The following TGFBR3 variants were observed in gnomAD, a reference collection of about 807,000 sequenced individuals.
TGFBR3 encodes transforming growth factor beta receptor 3.
In TGFBR3, 46 loss-of-function variants were observed where a neutral mutation model predicts 87.9. The observed-to-expected ratio is 0.52, with a 90% CI of 0.41 to 0.67. The LOEUF (loss-of-function observed/expected upper bound fraction) is 0.67, where lower values mean the gene tolerates loss of function less well. Among genes scored for constraint, TGFBR3 ranks in the 30% least tolerant of loss-of-function variants. The probability of loss-of-function intolerance (pLI) is 0.00; values close to 1 mark genes in which losing one functional copy is unlikely to be tolerated. For missense variants in TGFBR3, 866 were observed against 1,041.9 expected, an observed-to-expected ratio of 0.83 and a Z score of 2.32; for synonymous variants, 381 against 391.6, an observed-to-expected ratio of 0.97 and a Z score of 0.32.
At chr1:91,722,210 T>G in intron 7 of TGFBR3, 66 bp from the exon 8 acceptor site, 1 of 1,200,062 alleles carries the variant, frequency 8.3e-7, no homozygotes. Flanking sequence ...TAATAAAAAT[T>G]AAATATCTTA....
intron 1 of TGFBR3, among the ~76,000 whole-genome samples, chr1:91,881,636 A>T (rs1679076047): frequency 6.6e-6 from 1 of 152,242 alleles, no homozygotes; most frequent in Non-Finnish European, 1.5e-5. Context: ...CTGTAGTATA[A>T]GCGCAATGCT....
chr1:91,683,750 T>A lies in TGFBR3; in HGVS notation c.2545A>T (p.Ser849Cys). Reference sequence around the variant, plus strand: ...TGGGCTGGGTTGGGCTAGGCCGTGCTGCTGCTGGAGCAAGGCGTGCTCTGC... The same window carrying A: ...TGGGCTGGGTTGGGCTAGGCCGTGCAGCTGCTGGAGCAAGGCGTGCTCTGC... ...STQSTPCSSS[S>C]TA The change falls in exon 17 of 17, where the codon AGC becomes TGC. Residue 849 changes from serine (S) to cysteine (C), a missense_variant. By Grantham distance (112) the Ser-to-Cys change is moderately radical (BLOSUM62 -1). Coordinates refer to ENST00000212355, the MANE Select transcript of TGFBR3 (RefSeq NM_003243.5). 1 of 1,579,456 alleles carries A rather than the reference T, an allele frequency of 6.3e-7. No homozygotes were observed. The highest frequency in any genetic ancestry group is 8.6e-7 in the Non-Finnish European group (1 of 1,167,024).
At chr1:91,870,349 T>C (rs9661103) in intron 1 of TGFBR3, among the ~76,000 whole-genome samples, 100,352 of 152,082 alleles carry the variant, frequency 0.66, 33,373 homozygotes, top group Middle Eastern at 0.76. Flanking sequence ...TCAGAGCCAA[T>C]TTGGAATGCT....
intron 1 of TGFBR3, among the ~76,000 whole-genome samples, chr1:91,878,494 T>C (rs1678944507): frequency 6.6e-6 from 1 of 152,162 alleles, no homozygotes; most frequent in Admixed American, 6.5e-5. Context: ...TCATCAAGTT[T>C]CCATTAGCAA....
intron 4 of TGFBR3, among the ~76,000 whole-genome samples, chr1:91,737,642 GA>G (rs1673010547): frequency 6.6e-6 from 1 of 152,146 alleles, no homozygotes; most frequent in Non-Finnish European, 1.5e-5. Flanking sequence ...CTAGAACAAA[GA>G]ATTCCTTCGT....
At chr1:91,785,318 G>T (rs1369426514) in intron 3 of TGFBR3, among the ~76,000 whole-genome samples, 1 of 152,186 alleles carries the variant, frequency 6.6e-6, no homozygotes, top group African/African-American at 2.4e-5. Flanking sequence ...GCTAGTGCCG[G>T]GTCGTGGGGG....
Position 91,846,273 on chromosome 1 carries a change from C to T in TGFBR3, c.61+15198G>A, listed in dbSNP as rs17884177. ...TTTCAGCATGGGCTTTGCAAATAATCTAACAATTAATTAGTGCTTTTGAAT... is the reference window on the plus strand; with the variant it reads ...TTTCAGCATGGGCTTTGCAAATAATTTAACAATTAATTAGTGCTTTTGAAT... On this transcript the variant is annotated intron_variant, in intron 2 of 16. Transcript: ENST00000212355. 3.7e-4 allele frequency among the ~76,000 whole-genome samples: 57 copies of T among 152,332 alleles called. 1 individual carries two copies. The South Asian group carries it at 7.3e-3, about 19-fold the overall frequency.
At chr1:91,819,737 C>T (rs926023432) in intron 2 of TGFBR3, among the ~76,000 whole-genome samples, 1 of 152,152 alleles carries the variant, frequency 6.6e-6, no homozygotes, top group African/African-American at 2.4e-5. Context: ...GCTTTACCAC[C>T]CCCTCCCTCC....
At chr1:91,832,478 T>C (rs1176734797) in intron 2 of TGFBR3, among the ~76,000 whole-genome samples, 1 of 152,220 alleles carries the variant, frequency 6.6e-6, no homozygotes, top group Non-Finnish European at 1.5e-5. Context: ...GCATTTGACA[T>C]GTATTAACAT....
At chr1:91,849,162 T>G (rs1677621069) in intron 2 of TGFBR3, among the ~76,000 whole-genome samples, 1 of 152,132 alleles carries the variant, frequency 6.6e-6, no homozygotes, top group Non-Finnish European at 1.5e-5. Context: ...CAAATCCACC[T>G]TTGCCCAACA....
intron 1 of TGFBR3, chr1:91,866,614 A>T (rs959879781): frequency 6.6e-6 from 1 of 152,200 alleles, no homozygotes; most frequent in African/African-American, 2.4e-5. Flanking sequence ...ACAAATCTTT[A>T]TTGCTTACTC....
chr1:91,703,397 A>G (rs955336323), intron 14 of TGFBR3, among the ~76,000 whole-genome samples: 3 of 152,238 alleles, frequency 2.0e-5, no homozygotes, highest in Non-Finnish European at 4.4e-5. Flanking sequence ...TTTACTGAGT[A>G]TCCAAGATAT....
intron 12 of TGFBR3, among the ~76,000 whole-genome samples, chr1:91,715,049 C>CA (rs1260474216): frequency 6.6e-6 from 1 of 152,176 alleles, no homozygotes; most frequent in African/African-American, 2.4e-5. Flanking sequence ...CCACTTTGAC[C>CA]CTTTAAGCTT....
chr1:91,760,844 G>C (rs1050110558), intron 3 of TGFBR3, among the ~76,000 whole-genome samples: 5 of 152,170 alleles, frequency 3.3e-5, no homozygotes, highest in East Asian at 1.9e-4. Context: ...AGATGCTATA[G>C]AAATAGCAGA....
chr1:91,725,254 G>A (rs533539598), intron 7 of TGFBR3, among the ~76,000 whole-genome samples: 3 of 152,184 alleles, frequency 2.0e-5, no homozygotes, highest in Admixed American at 2.0e-4. Flanking sequence ...ACATGCATAA[G>A]ACATCCATAT....
chr1:91,824,816 C>A (rs1448167458), intron 2 of TGFBR3, among the ~76,000 whole-genome samples: 1 of 152,012 alleles, frequency 6.6e-6, no homozygotes, highest in Non-Finnish European at 1.5e-5. Flanking sequence ...AAATATTAGC[C>A]GAGCATGGTG....
chr1:91,739,783 G>C (rs1359645782), intron 4 of TGFBR3, among the ~76,000 whole-genome samples: 1 of 152,194 alleles, frequency 6.6e-6, no homozygotes, highest in African/African-American at 2.4e-5. Context: ...ATTGGCTCAT[G>C]GTTCCACAGG....
chr1:91,881,506 G>C (rs533717436), intron 1 of TGFBR3, among the ~76,000 whole-genome samples: 2 of 152,284 alleles, frequency 1.3e-5, no homozygotes, highest in South Asian at 4.1e-4. Context: ...AATTTGCCAA[G>C]CTCCAAGACC....
At chr1:91,808,758 C>T (rs1205549976) in intron 2 of TGFBR3, among the ~76,000 whole-genome samples, 1 of 152,156 alleles carries the variant, frequency 6.6e-6, no homozygotes, top group Non-Finnish European at 1.5e-5. Flanking sequence ...GTCACCACAC[C>T]GAGCACTGAT....
Sources: gnomAD v4.1 joint callset for allele counts (sites outside exome capture counted in the v4.1 genomes callset) on GRCh38, gnomAD v4.1.1 for gene constraint, MANE v1.5 for transcripts, NCBI Gene and HGNC (gene_info 2026-07-23, HGNC 2026-07-21) for gene names.